Variants in COL4A2 observed in about 807,000 individuals in gnomAD.
COL4A2 encodes the protein collagen type IV alpha 2 chain, also known as collagen alpha-2(IV) chain.
A neutral mutation model predicts 200.2 loss-of-function variants in COL4A2; 99 were observed. The ratio of observed to expected loss-of-function variants is 0.49; its 90% confidence interval spans 0.42 to 0.58. The LOEUF is 0.58. COL4A2 is among the 20% of genes least tolerant of loss of function. COL4A2 has a pLI of 0.00. For missense variants in COL4A2, 1,950 were observed against 2,314.1 expected, an observed-to-expected ratio of 0.84 and a Z score of 3.23; for synonymous variants, 897 against 900.6, an observed-to-expected ratio of 1.00 and a Z score of 0.07.
chr13:110,497,193 A>T (rs1458955478), intron 40 of COL4A2, among the ~76,000 whole-genome samples: 1 of 151,774 alleles, frequency 6.6e-6, no homozygotes, highest in African/African-American at 2.4e-5. Flanking sequence ...CCCAGGAGTG[A>T]GGATCCAAGG....
intron 4 of COL4A2, among the ~76,000 whole-genome samples, chr13:110,360,188 C>G (rs562315670): frequency 5.3e-5 from 8 of 152,214 alleles, no homozygotes; most frequent in African/African-American, 1.9e-4. Context: ...GTGGTATACA[C>G]ATATCTGTGA....
chr13:110,354,193 G>T (rs1877089280), intron 3 of COL4A2, among the ~76,000 whole-genome samples: 1 of 152,160 alleles, frequency 6.6e-6, no homozygotes, highest in Non-Finnish European at 1.5e-5. Flanking sequence ...TTACCCTATA[G>T]ACCCAGGAGG....
intron 29 of COL4A2, 71 bp downstream of exon 29, chr13:110,473,221 C>G (rs1426332960): frequency 2.1e-6 from 3 of 1,418,378 alleles, no homozygotes; most frequent in Admixed American, 2.3e-5. Context: ...GACCCCAATC[C>G]CTTCCGGGGG....
intron 24 of COL4A2, 179 bp downstream of exon 24, chr13:110,462,563 G>A: frequency 1.7e-6 from 1 of 588,198 alleles, no homozygotes; most frequent in South Asian, 2.4e-5. Flanking sequence ...AGGAAACGGT[G>A]AATTAAGTTA....
chr13:110,461,305 C>T (rs1882017430), intron 22 of COL4A2, among the ~76,000 whole-genome samples: 1 of 152,226 alleles, frequency 6.6e-6, no homozygotes, highest in Admixed American at 6.5e-5. Flanking sequence ...GAGGAAGCCA[C>T]CTTGACTTTT....
At chr13:110,345,721 G>T (rs917394752) in intron 3 of COL4A2, among the ~76,000 whole-genome samples, 11 of 152,166 alleles carry the variant, frequency 7.2e-5, no homozygotes, top group African/African-American at 2.7e-4. Context: ...ATCTATATTA[G>T]GGGTGGAGAA....
intron 4 of COL4A2, among the ~76,000 whole-genome samples, chr13:110,385,257 G>A (rs113551653): frequency 0.026 from 3,886 of 150,744 alleles, 100 homozygotes; most frequent in African/African-American, 0.064. Flanking sequence ...GTGAGACTCC[G>A]TCTGAAAAAA....
chr13:110,491,635 T>C (rs1184890775), intron 37 of COL4A2, among the ~76,000 whole-genome samples: 1 of 152,056 alleles, frequency 6.6e-6, no homozygotes, highest in African/African-American at 2.4e-5. Flanking sequence ...ATCCCTTTGC[T>C]TGCATTGAAT....
At chr13:110,354,353 G>T (rs1370991123) in intron 3 of COL4A2, among the ~76,000 whole-genome samples, 1 of 152,144 alleles carries the variant, frequency 6.6e-6, no homozygotes, top group Non-Finnish European at 1.5e-5. Flanking sequence ...AAACTTTCTG[G>T]CTTAGTATGG....
At chr13:110,323,095 C>T (rs1481344845) in intron 3 of COL4A2, among the ~76,000 whole-genome samples, 1 of 152,232 alleles carries the variant, frequency 6.6e-6, no homozygotes, top group Non-Finnish European at 1.5e-5. Context: ...AGCAAGTAGA[C>T]AAAGATAGGG....
At position 110,308,062 on chromosome 13, in the gene COL4A2, C is replaced by G. The variant is rs1392473691; in HGVS notation, c.45-7C>G. On this transcript the variant is annotated splice_region_variant and splice_polypyrimidine_tract_variant and intron_variant, in intron 2 of 47. Transcript: ENST00000360467. The stretch of plus-strand genomic sequence containing the variant: ...TTCACGTCTCTCTTCCTCCCTTTCC[C>G]ATGCAGGTGGCTGCTGCTGGGGACA... The G allele has an allele frequency of 1.2e-6, 2 of 1,613,688 alleles. No individual in the cohort carries two copies. Among genetic ancestry groups the G allele is most frequent in the African/African-American group, 2.7e-5 (2 of 74,950 alleles).
At position 110,439,843 on chromosome 13, in the gene COL4A2, A is replaced by G. The variant is rs1361491069; in HGVS notation, c.957+10A>G. 2 of 1,613,936 alleles carry G rather than the reference A, an allele frequency of 1.2e-6. No homozygotes were observed. The highest frequency in any genetic ancestry group is 2.2e-5 in the South Asian group (2 of 91,000). On this transcript the variant is annotated intron_variant, in intron 16 of 47. Coordinates refer to ENST00000360467, the MANE Select transcript of COL4A2 (RefSeq NM_001846.4). ...ATCACCAGGACAGAAGGTAAGTTGG[A>G]TGCATGAACTGCAGTCTGCTCTGGG...
chr13:110,478,341 C>T (rs970769276), intron 30 of COL4A2, among the ~76,000 whole-genome samples, 177 bp downstream of exon 30: 5 of 152,196 alleles, frequency 3.3e-5, no homozygotes, highest in African/African-American at 1.2e-4. Context: ...CAGCCTGAGA[C>T]ATCGGCTCAT....
Position 110,425,148 on chromosome 13 carries a change from A to G in COL4A2, c.360+151A>G, listed in dbSNP as rs920007721. ...TATACGTGCGTATTCTCCCCGCGGA[A>G]TTCAGTCAGACAGTGAACAAATTGT... On this transcript the variant is annotated intron_variant, in intron 6 of 47. Coordinates refer to ENST00000360467, the MANE Select transcript of COL4A2 (RefSeq NM_001846.4). 107 of 878,596 alleles carry G rather than the reference A, an allele frequency of 1.2e-4. 1 individual carries two copies. The Admixed American group carries it at 2.7e-3, about 22-fold the overall frequency. 54.4% of individuals were successfully genotyped at this position (878,596 alleles called of 1,614,324 possible).
intron 20 of COL4A2, chr13:110,456,678 C>T: frequency 4.5e-6 from 2 of 442,016 alleles, no homozygotes; most frequent in Non-Finnish European, 9.4e-6. Flanking sequence ...GGAGGCTTGG[C>T]TGAAAGCCAC....
chr13:110,495,054 G>A (rs867999545), intron 39 of COL4A2, among the ~76,000 whole-genome samples: 1 of 152,216 alleles, frequency 6.6e-6, no homozygotes, highest in Non-Finnish European at 1.5e-5. Flanking sequence ...CTAGAGGCCC[G>A]GGAGGGGTCC....
chr13:110,353,973 C>T (rs10220232), intron 3 of COL4A2, among the ~76,000 whole-genome samples: 25,798 of 152,128 alleles, frequency 0.17, 6,757 homozygotes, highest in African/African-American at 0.56. Context: ...AGTAAGAATG[C>T]ATCATTCATT....
chr13:110,348,540 CTGAGAACCT>C (rs1392370935), intron 3 of COL4A2, among the ~76,000 whole-genome samples: 1 of 152,216 alleles, frequency 6.6e-6, no homozygotes, highest in African/African-American at 2.4e-5. Flanking sequence ...TAGAACTTTA[CTGAGAACCT>C]TGTTCCCGAG....
At chr13:110,502,923 G>A (rs1238089375) in intron 41 of COL4A2, 198 bp from the exon 42 acceptor site, 2 of 568,982 alleles carry the variant, frequency 3.5e-6, no homozygotes, top group Non-Finnish European at 6.2e-6. Context: ...CCACTGAGCA[G>A]TGCACCTAAA....
Sources: gnomAD v4.1 joint callset for allele counts (sites outside exome capture counted in the v4.1 genomes callset) on GRCh38, gnomAD v4.1.1 for gene constraint, MANE v1.5 for transcripts, NCBI Gene and HGNC (gene_info 2026-07-23, HGNC 2026-07-21) for gene names.